The following NRG1 variants were observed in gnomAD, a reference collection of about 807,000 sequenced individuals.
NRG1 encodes neuregulin 1.
Under a neutral mutation model 63.8 loss-of-function variants are expected in NRG1, and 18 were observed. The ratio of observed to expected loss-of-function variants is 0.28; its 90% CI spans 0.19 to 0.42. NRG1 has a LOEUF of 0.42. NRG1 is among the 10% of genes least tolerant of loss of function. The pLI is 1.00. For missense variants in NRG1, 762 were observed against 814.7 expected, an observed-to-expected ratio of 0.94 and a Z score of 0.79; for synonymous variants, 302 against 301.3, an observed-to-expected ratio of 1.00 and a Z score of -0.02.
intron 5 of NRG1, among the ~76,000 whole-genome samples, chr8:32,681,713 A>G (rs1808687372): frequency 6.6e-6 from 1 of 152,174 alleles, no homozygotes; most frequent in African/African-American, 2.4e-5. Context: ...CACTTGTACA[A>G]ATGCTGCAAT....
chr8:32,012,937 C>T (rs1448301680), intron 1 of NRG1, among the ~76,000 whole-genome samples: 1 of 151,974 alleles, frequency 6.6e-6, no homozygotes, highest in African/African-American at 2.4e-5. Context: ...GAAGCATCCA[C>T]CATGGAGAGA....
intron 1 of NRG1, among the ~76,000 whole-genome samples, chr8:32,119,149 T>C (rs550290462): frequency 3.0e-4 from 46 of 152,198 alleles, no homozygotes; most frequent in African/African-American, 1.0e-3. Flanking sequence ...GGTTCTATTA[T>C]TTAATAGGTA....
At chr8:31,908,070 G>T (rs34344642) in intron 1 of NRG1, among the ~76,000 whole-genome samples, 7,813 of 152,100 alleles carry the variant, frequency 0.051, 296 homozygotes, top group Non-Finnish European at 0.08. Flanking sequence ...TGTGTATTTG[G>T]AGCCCTGGAT....
intron 1 of NRG1, among the ~76,000 whole-genome samples, chr8:32,288,149 T>C (rs1586638115): frequency 6.6e-6 from 1 of 151,934 alleles, no homozygotes; most frequent in East Asian, 1.9e-4. Flanking sequence ...GCAAGACAGA[T>C]AGGAGAGAGA....
chr8:32,373,474 A>G (rs943982186), intron 1 of NRG1, among the ~76,000 whole-genome samples: 18 of 68,784 alleles, frequency 2.6e-4, no homozygotes, highest in African/African-American at 8.6e-4. Context: ...TTATTTCAGC[A>G]TCTCTACAAC....
At chr8:32,316,964 C>A (rs1031907554) in intron 1 of NRG1, among the ~76,000 whole-genome samples, 2 of 152,158 alleles carry the variant, frequency 1.3e-5, no homozygotes, top group Non-Finnish European at 2.9e-5. Flanking sequence ...TTTTCTCCTG[C>A]CCTTCAATGA....
chr8:32,306,659 C>T (rs941949967), intron 1 of NRG1, among the ~76,000 whole-genome samples: 2 of 152,180 alleles, frequency 1.3e-5, no homozygotes, highest in South Asian at 2.1e-4. Context: ...AAAGCCTTGA[C>T]TCTGTATTTT....
chr8:31,932,927 A>G (rs1834983727), intron 1 of NRG1, among the ~76,000 whole-genome samples: 1 of 152,192 alleles, frequency 6.6e-6, no homozygotes. Context: ...CTTTAATGCA[A>G]ATGTAAGGCA....
rs138501818 is a variant in NRG1, at chr8:32,328,491, T to G, written c.38-267337T>G. On this transcript the variant is annotated intron_variant, in intron 1 of 10. Transcript: ENST00000519301. Reference sequence around the variant, plus strand: ...AACTGAAGTCCAAACAACTTTACTTTTTACCTTTTCAAATATCCATGTGGC... The same window carrying G: ...AACTGAAGTCCAAACAACTTTACTTGTTACCTTTTCAAATATCCATGTGGC... Among the ~76,000 whole-genome samples, 871 of 152,214 alleles carry G rather than the reference T, an allele frequency of 5.7e-3. 6 individuals carry two copies. Among genetic ancestry groups the G allele is most frequent in the Middle Eastern group, 0.01 (3 of 294 alleles).
chr8:32,098,160 T>TGAAA (rs1830126886), intron 1 of NRG1, among the ~76,000 whole-genome samples: 2 of 128,116 alleles, frequency 1.6e-5, no homozygotes, highest in African/African-American at 5.4e-5. Flanking sequence ...CATAAAGGCA[T>TGAAA]TTCAGGCTAG....
intron 1 of NRG1, among the ~76,000 whole-genome samples, chr8:32,407,145 A>G (rs1170150826): frequency 6.6e-6 from 1 of 151,478 alleles, no homozygotes; most frequent in Non-Finnish European, 1.5e-5. Context: ...TTTTTAACAG[A>G]GGTAATATAT....
At chr8:32,302,112 C>A (rs1563290230) in intron 1 of NRG1, among the ~76,000 whole-genome samples, 1 of 152,016 alleles carries the variant, frequency 6.6e-6, no homozygotes, top group African/African-American at 2.4e-5. Flanking sequence ...TAAAACAAGC[C>A]AAGATGGATT....
chr8:31,639,341 A>G (rs1282746164), exon 1 of NRG1: 8 of 1,530,706 alleles, frequency 5.2e-6, no homozygotes, highest in Non-Finnish European at 7.0e-6. Flanking sequence ...GCGCGCGGGG[A>G]CGGGGACGCC....
chr8:32,753,957 T>C (rs1305130552), intron 7 of NRG1, among the ~76,000 whole-genome samples: 1 of 152,164 alleles, frequency 6.6e-6, no homozygotes, highest in Non-Finnish European at 1.5e-5. Context: ...TTCCATCTCC[T>C]TTAATTGGTG....
At chr8:32,548,139 C>G (rs1418403898), upstream of NRG1, 2 of 861,934 alleles carry the variant, frequency 2.3e-6, no homozygotes, top group South Asian at 1.1e-4. Context: ...CCGGGAGCGC[C>G]GAGCCCAGGC....
intron 1 of NRG1, among the ~76,000 whole-genome samples, chr8:32,364,845 C>G (rs1220251922): frequency 1.3e-5 from 2 of 151,736 alleles, no homozygotes; most frequent in Non-Finnish European, 2.9e-5. Flanking sequence ...ATTTAATTAT[C>G]TGATGAGTGA....
chr8:32,500,179 C>CTTTTTT (rs1827692036), intron 1 of NRG1, among the ~76,000 whole-genome samples: 5 of 152,244 alleles, frequency 3.3e-5, no homozygotes, highest in African/African-American at 1.2e-4. Flanking sequence ...TAATTTAGCA[C>CTTTTTT]GTAGGCTTTT....
intron 1 of NRG1, among the ~76,000 whole-genome samples, chr8:31,991,369 C>A (rs1421382957): frequency 3.9e-5 from 2 of 51,816 alleles, no homozygotes; most frequent in African/African-American, 9.5e-5. Flanking sequence ...TTCTTTCCTC[C>A]TCCTCCTCCT....
intron 1 of NRG1, among the ~76,000 whole-genome samples, chr8:32,404,530 T>C (rs2347515): frequency 0.97 from 145,514 of 150,682 alleles, 70,454 homozygotes; most frequent in East Asian, 1. Context: ...TCAGAACCTT[T>C]TTCATGCTTC....
Sources: gnomAD v4.1 joint callset for allele counts (sites outside exome capture counted in the v4.1 genomes callset) on GRCh38, gnomAD v4.1.1 for gene constraint, MANE v1.5 for transcripts, NCBI Gene and HGNC (gene_info 2026-07-23, HGNC 2026-07-21) for gene names.